The following ROBO2 variants were observed in gnomAD, a reference collection of about 807,000 sequenced individuals.
The protein encoded by ROBO2 is roundabout guidance receptor 2.
In ROBO2, 53 loss-of-function variants were observed where a neutral mutation model predicts 160.8. That is an observed-to-expected ratio of 0.33 (90% CI 0.26 to 0.41). ROBO2 has a LOEUF of 0.41. ROBO2 is among the 10% of genes least tolerant of loss of function. The pLI, the probability that ROBO2 is intolerant of heterozygous loss-of-function variation, is 1.00. For synonymous variants in ROBO2, 664 were observed against 611.7 expected (o/e 1.09, Z -1.26); for missense variants, 1,577 against 1,722.4 (o/e 0.92, Z 1.49).
intron 2 of ROBO2, among the ~76,000 whole-genome samples, chr3:76,478,178 TCC>T (rs1295886138): frequency 4.7e-5 from 2 of 42,910 alleles, no homozygotes; most frequent in Non-Finnish European, 8.6e-5. Context: ...CCCTCCCCCC[TCC>T]CCCCCACCCC....
At chr3:76,634,301 C>T (rs1578736702) in intron 2 of ROBO2, among the ~76,000 whole-genome samples, 2 of 152,278 alleles carry the variant, frequency 1.3e-5, no homozygotes, top group East Asian at 3.9e-4. Flanking sequence ...GGCACAGTGG[C>T]TTATGCCTGT....
intron 2 of ROBO2, among the ~76,000 whole-genome samples, chr3:77,313,835 C>T (rs568187904): frequency 6.6e-6 from 1 of 152,286 alleles, no homozygotes; most frequent in African/African-American, 2.4e-5. Context: ...CTGCCTACCT[C>T]GGCCTCCCAA....
chr3:75,952,694 A>G (rs965017928), intron 2 of ROBO2, among the ~76,000 whole-genome samples: 3 of 152,012 alleles, frequency 2.0e-5, no homozygotes, highest in African/African-American at 7.2e-5. Context: ...TGCATTCTAT[A>G]GGTTTTGTCA....
Position 76,761,852 on chromosome 3 carries a change from G to C in ROBO2, c.110-336162G>C, listed in dbSNP as rs117065788. Among the ~76,000 whole-genome samples the C allele has an allele frequency of 1.1e-3, 170 of 151,792 alleles. 1 individual carries two copies. In the East Asian group the frequency reaches 0.017, roughly 15 times the overall value. ...TTTCCTCTTCTACCATGTGAGGATA[G>C]AAAGGTTTTTTGAAAATTTGTAAGA... is the stretch of plus-strand genomic sequence containing the variant. On this transcript the variant is annotated intron_variant, in intron 2 of 26. Transcript: ENST00000487694.
chr3:76,217,542 C>G (rs1270766224), intron 2 of ROBO2, among the ~76,000 whole-genome samples: 2 of 152,136 alleles, frequency 1.3e-5, no homozygotes, highest in Admixed American at 6.5e-5. Flanking sequence ...AACCTCTACG[C>G]AAATAAACTA....
chr3:77,149,547 A>G (rs1331443264), intron 2 of ROBO2, among the ~76,000 whole-genome samples: 1 of 151,956 alleles, frequency 6.6e-6, no homozygotes, highest in Non-Finnish European at 1.5e-5. Flanking sequence ...TGGGATGTAC[A>G]TTCTCAGAGG....
At chr3:76,020,106 T>TATAATTATC (rs2066530088) in intron 2 of ROBO2, among the ~76,000 whole-genome samples, 1 of 151,938 alleles carries the variant, frequency 6.6e-6, no homozygotes, top group Non-Finnish European at 1.5e-5. Flanking sequence ...GAAATGAATG[T>TATAATTATC]ATAATTATCA....
intron 2 of ROBO2, among the ~76,000 whole-genome samples, chr3:76,437,187 A>G (rs1308295996): frequency 6.6e-6 from 1 of 152,186 alleles, no homozygotes; most frequent in Non-Finnish European, 1.5e-5. Flanking sequence ...ATTTTCAAAT[A>G]TACATAATTC....
chr3:76,679,293 A>G (rs111818681), intron 2 of ROBO2, among the ~76,000 whole-genome samples: 4,244 of 152,184 alleles, frequency 0.028, 188 homozygotes, highest in African/African-American at 0.091. Flanking sequence ...GGCAGATAAA[A>G]CCTTATTAAC....
At chr3:76,543,140 A>G (rs978878081) in intron 2 of ROBO2, among the ~76,000 whole-genome samples, 1 of 152,202 alleles carries the variant, frequency 6.6e-6, no homozygotes, top group Non-Finnish European at 1.5e-5. Context: ...TCTGCATTCT[A>G]AATTTTCTTA....
In ROBO2 at chr3:76,658,982, T is replaced by C. The variant is rs144453846; in HGVS notation, c.110-439032T>C. Reference sequence around the variant, plus strand: ...GATACAATGACGGTATGAATTTCCCTAAGATAAATTTCTACAATGAGGCCT... The same window carrying C: ...GATACAATGACGGTATGAATTTCCCCAAGATAAATTTCTACAATGAGGCCT... On this transcript the variant is annotated intron_variant, in intron 2 of 26. Transcript: ENST00000487694. Among the ~76,000 whole-genome samples, 1,333 of 152,276 alleles carry C rather than the reference T, an allele frequency of 8.8e-3. 12 individuals carry two copies. Among genetic ancestry groups the C allele is most frequent in the African/African-American group, 0.028 (1,157 of 41,576 alleles).
Position 76,640,154 on chromosome 3 carries a change from G to A in ROBO2, c.110-457860G>A, listed in dbSNP as rs1321928736. 5.3e-5 allele frequency among the ~76,000 whole-genome samples: 8 copies of A among 152,296 alleles called. No homozygotes were observed. In the East Asian group the frequency reaches 1.5e-3, roughly 29 times the overall value. On this transcript the variant is annotated intron_variant, in intron 2 of 26. Coordinates refer to the ROBO2 transcript ENST00000487694. ...GATGTCACATACAAAAGGAAAAGGAGACAGCTAGGATGAACTTTGTGGTGC... is the reference window on the plus strand; with the variant it reads ...GATGTCACATACAAAAGGAAAAGGAAACAGCTAGGATGAACTTTGTGGTGC...
chr3:77,266,158 T>G (rs1412480357), intron 2 of ROBO2, among the ~76,000 whole-genome samples: 2 of 152,008 alleles, frequency 1.3e-5, no homozygotes, highest in African/African-American at 4.8e-5. Context: ...TTTAAAAAAC[T>G]TTCGCTTTTC....
chr3:76,838,446 C>T (rs1364863820), intron 2 of ROBO2, among the ~76,000 whole-genome samples: 1 of 151,978 alleles, frequency 6.6e-6, no homozygotes, highest in East Asian at 1.9e-4. Flanking sequence ...CATTAAAATG[C>T]CACATAGTTT....
intron 2 of ROBO2, among the ~76,000 whole-genome samples, chr3:76,932,802 T>G (rs2324703): frequency 6.6e-6 from 1 of 151,832 alleles, no homozygotes. Flanking sequence ...GCAAGCACAG[T>G]CCTGAAAGCA....
At chr3:76,322,459 C>G (rs901069005) in intron 2 of ROBO2, among the ~76,000 whole-genome samples, 1 of 151,618 alleles carries the variant, frequency 6.6e-6, no homozygotes, top group Non-Finnish European at 1.5e-5. Flanking sequence ...ATATCATAAT[C>G]ACATTATTGG....
chr3:76,960,567 T>C (rs1323032818), intron 2 of ROBO2, among the ~76,000 whole-genome samples: 1 of 152,094 alleles, frequency 6.6e-6, no homozygotes, highest in African/African-American at 2.4e-5. Flanking sequence ...AAGACTATTA[T>C]AAGTGAGAAA....
At chr3:76,020,891 T>G (rs2066555791) in intron 2 of ROBO2, among the ~76,000 whole-genome samples, 1 of 151,862 alleles carries the variant, frequency 6.6e-6, no homozygotes, top group Admixed American at 6.6e-5. Flanking sequence ...ACTTACATCT[T>G]ACTTTTGAAT....
intron 24 of ROBO2, among the ~76,000 whole-genome samples, chr3:77,643,376 TGC>T (rs1012625772): frequency 3.3e-5 from 5 of 152,310 alleles, no homozygotes; most frequent in African/African-American, 4.8e-5. Context: ...ATTACAAAGT[TGC>T]AGAAAAATGC....
Sources: allele counts gnomAD v4.1 joint callset (sites outside exome capture counted in the v4.1 genomes callset), GRCh38; gene constraint gnomAD v4.1.1; transcripts MANE v1.5; gene names NCBI Gene and HGNC (gene_info 2026-07-23, HGNC 2026-07-21).